The following CDH4 variants were observed in gnomAD, a reference collection of about 807,000 sequenced individuals.
CDH4 encodes cadherin 4, also known as cadherin-4.
In CDH4, 33 loss-of-function variants were observed where a neutral mutation model predicts 86.0. The observed-to-expected ratio is 0.38, with a 90% CI of 0.29 to 0.51. The LOEUF is 0.51. Among genes scored for constraint, CDH4 ranks in the 20% least tolerant of loss-of-function variants. The pLI, the probability that CDH4 is intolerant of heterozygous loss-of-function variation, is 0.86. For synonymous variants in CDH4, 555 were observed against 549.4 expected, an observed-to-expected ratio of 1.01 and a Z score of -0.14; for missense variants, 1,114 against 1,307.4, an observed-to-expected ratio of 0.85 and a Z score of 2.28.
In CDH4 at chr20:61,516,058, C is replaced by G. The variant is rs957666769; in HGVS notation, c.170-227505C>G. 6.6e-6 allele frequency among the ~76,000 whole-genome samples: 1 copy of G among 152,166 alleles called. No homozygotes were observed. Among genetic ancestry groups the G allele is most frequent in the Non-Finnish European group, 1.5e-5 (1 of 68,030 alleles). On this transcript the variant is annotated intron_variant, in intron 2 of 15. Transcript: ENST00000614565. The surrounding 1 kb of genome is among the most constrained non-coding windows in gnomAD (Gnocchi z 4.0). ...GAACGCCCCCCCAATACGATTCCAC[C>G]GCAGGCAGGCAGCTCCCTCACCACA...
intron 2 of CDH4, among the ~76,000 whole-genome samples, chr20:61,494,267 A>G (rs916531289): frequency 2.0e-5 from 3 of 152,306 alleles, no homozygotes; most frequent in Admixed American, 2.0e-4. Flanking sequence ...TCTAAACTCA[A>G]TAAGGAGACC....
intron 2 of CDH4, among the ~76,000 whole-genome samples, chr20:61,642,949 C>T (rs1535141): frequency 0.4 from 61,187 of 152,070 alleles, 12,326 homozygotes; most frequent in East Asian, 0.48. Flanking sequence ...TTAGGACTGA[C>T]TTGGATGATA....
chr20:61,374,235 C>T (rs1240399386), intron 2 of CDH4, among the ~76,000 whole-genome samples: 3 of 152,164 alleles, frequency 2.0e-5, no homozygotes, highest in African/African-American at 2.4e-5. Flanking sequence ...TTCTGTGCAG[C>T]GTGACGTGGA....
intron 5 of CDH4, among the ~76,000 whole-genome samples, chr20:61,847,334 C>A (rs1156704092): frequency 2.6e-5 from 4 of 152,202 alleles, no homozygotes; most frequent in African/African-American, 9.7e-5. Context: ...GGAGTTCTGC[C>A]CACAGCAGGG....
At chr20:61,885,025 C>T (rs1568866630) in intron 7 of CDH4, among the ~76,000 whole-genome samples, 1 of 152,130 alleles carries the variant, frequency 6.6e-6, no homozygotes, top group South Asian at 2.1e-4. Context: ...GAACGACTGC[C>T]AGCCAGAGGC....
rs1345477009 is a variant in CDH4, at chr20:61,565,170, G to GGGTGGTGGT, written c.170-178383_170-178375dup. On this transcript the variant is annotated intron_variant, in intron 2 of 15. Coordinates refer to ENST00000614565, the MANE Select transcript of CDH4 (RefSeq NM_001794.5). ...GTTGGTAGTGGTCCTCTTGGTGATG[G>GGGTGGTGGT]GGTGGTGGTGGTGGTGGTCCTCTTG... 1.2e-3 allele frequency among the ~76,000 whole-genome samples: 149 copies of GGGTGGTGGT among 127,238 alleles called. 8 individuals carry two copies. The highest frequency in any genetic ancestry group is 5.0e-3 in the Admixed American group (64 of 12,838). The allele number at this position is 127,238 out of a possible 152,430, so 83.5% of individuals were successfully genotyped here.
intron 7 of CDH4, among the ~76,000 whole-genome samples, chr20:61,888,375 C>A (rs1289493157): frequency 6.6e-6 from 1 of 152,208 alleles, no homozygotes; most frequent in African/African-American, 2.4e-5. Flanking sequence ...CTCCGTCCAG[C>A]CGCTGCAAGG....
chr20:61,531,472 C>CAAAAA (rs956436259), intron 2 of CDH4, among the ~76,000 whole-genome samples: 2 of 44,084 alleles, frequency 4.5e-5, no homozygotes, highest in Admixed American at 2.3e-4. Flanking sequence ...GACTGCATCT[C>CAAAAA]AAAAAAAAAA....
At chr20:61,436,934 T>A (rs2085286302) in intron 2 of CDH4, 1 of 152,466 alleles carries the variant, frequency 6.6e-6, no homozygotes, top group South Asian at 2.1e-4. Flanking sequence ...CAAAGGCCTC[T>A]TGTCTGCTCT....
chr20:61,852,805 G>A lies in CDH4; in HGVS notation c.784G>A (p.Asp262Asn), dbSNP rs1982788451. The A allele has an allele frequency of 1.2e-6, 2 of 1,613,962 alleles. No homozygotes were observed. Among genetic ancestry groups the A allele is most frequent in the African/African-American group, 1.3e-5 (1 of 74,946 alleles). Residue 262 changes from aspartate to asparagine, a missense_variant, in exon 6 of 16, where the codon GAC becomes AAC. Transcript: ENST00000614565. ...MNGNKVENPIDLYIYVIDMND... is the reference protein window; with the variant it reads ...MNGNKVENPINLYIYVIDMND... ...TGGCAACAAGGTGGAGAACCCCATC[G>A]ACCTGTACATCTACGTCATCGACAT...
intron 3 of CDH4, among the ~76,000 whole-genome samples, chr20:61,769,765 G>A (rs185340531): frequency 1.1e-4 from 16 of 152,326 alleles, no homozygotes; most frequent in South Asian, 6.2e-4. Context: ...CTGAGTGCAC[G>A]CCACATCTAT....
intron 4 of CDH4, among the ~76,000 whole-genome samples, chr20:61,823,940 G>A (rs1981187714): frequency 6.6e-6 from 1 of 152,196 alleles, no homozygotes; most frequent in Non-Finnish European, 1.5e-5. Context: ...ATGTTTTATT[G>A]AGATTGAAGA....
chr20:61,533,919 C>G (rs2085974747), intron 2 of CDH4, among the ~76,000 whole-genome samples: 4 of 152,220 alleles, frequency 2.6e-5, no homozygotes, highest in Non-Finnish European at 5.9e-5. Flanking sequence ...CTGCAGCCTC[C>G]CCATCCGAAC....
At chr20:61,631,898 C>T (rs566453283) in intron 2 of CDH4, among the ~76,000 whole-genome samples, 41 of 152,384 alleles carry the variant, frequency 2.7e-4, no homozygotes, top group Non-Finnish European at 5.3e-4. Flanking sequence ...AACTGCAGAC[C>T]ACAAGACGGC....
intron 2 of CDH4, among the ~76,000 whole-genome samples, chr20:61,391,632 T>G (rs56173619): frequency 0.14 from 21,944 of 152,250 alleles, 1,709 homozygotes; most frequent in Non-Finnish European, 0.16. Flanking sequence ...GCAGCATGTC[T>G]GTGCTTGGTT....
intron 2 of CDH4, among the ~76,000 whole-genome samples, chr20:61,565,550 C>T (rs1352594543): frequency 6.6e-6 from 1 of 152,048 alleles, no homozygotes; most frequent in Non-Finnish European, 1.5e-5. Context: ...GTCCCACTTG[C>T]ACACCTGAGG....
intron 2 of CDH4, among the ~76,000 whole-genome samples, chr20:61,512,268 G>A (rs756176854): frequency 2.6e-5 from 4 of 152,240 alleles, no homozygotes; most frequent in East Asian, 3.9e-4. Flanking sequence ...GGTTAACCAC[G>A]GCAGTGATTG....
chr20:61,797,567 T>C (rs1199222395), intron 4 of CDH4, among the ~76,000 whole-genome samples: 2 of 152,268 alleles, frequency 1.3e-5, no homozygotes, highest in Non-Finnish European at 2.9e-5. Context: ...GGTGGATCAC[T>C]TGAGCCCAGA....
chr20:61,353,941 G>A (rs1453060507), intron 2 of CDH4, among the ~76,000 whole-genome samples: 4 of 151,970 alleles, frequency 2.6e-5, no homozygotes, highest in Non-Finnish European at 4.4e-5. Context: ...TGTGCTGAAA[G>A]GACTTATCTT....
Sources: gnomAD v4.1 joint callset for allele counts (sites outside exome capture counted in the v4.1 genomes callset) on GRCh38, gnomAD v4.1.1 for gene constraint, Gnocchi (gnomAD v3.1) non-coding constraint, MANE v1.5 for transcripts, NCBI Gene and HGNC (gene_info 2026-07-23, HGNC 2026-07-21) for gene names.